Variants in COL23A1 observed in about 807,000 individuals in gnomAD.
COL23A1 encodes collagen alpha-1(XXIII) chain.
A neutral mutation model predicts 99.3 loss-of-function variants in COL23A1; 97 were observed. The ratio of observed to expected loss-of-function variants is 0.98; its 90% confidence interval spans 0.83 to 1.16. The LOEUF is 1.16. Among genes scored for constraint, COL23A1 ranks in the 50% most tolerant of loss-of-function variants. The probability of loss-of-function intolerance (pLI) is 0.00; values close to 1 mark genes in which losing one functional copy is unlikely to be tolerated. For missense variants in COL23A1, 762 were observed against 757.4 expected (o/e 1.01, Z -0.07); for synonymous variants, 320 against 308.2 (o/e 1.04, Z -0.40).
chr5:178,287,597 C>T (rs1307535119), intron 5 of COL23A1, among the ~76,000 whole-genome samples: 1 of 148,974 alleles, frequency 6.7e-6, no homozygotes, highest in Non-Finnish European at 1.5e-5. Context: ...CCTGACTGCA[C>T]AGATCTGTCC....
intron 2 of COL23A1, among the ~76,000 whole-genome samples, chr5:178,316,447 C>T (rs1450305437): frequency 6.6e-6 from 1 of 152,100 alleles, no homozygotes; most frequent in Non-Finnish European, 1.5e-5. Flanking sequence ...TAAAATTAAG[C>T]CTTGGCTGGA....
intron 2 of COL23A1, among the ~76,000 whole-genome samples, chr5:178,501,803 G>A (rs574225521): frequency 6.6e-6 from 1 of 152,324 alleles, no homozygotes; most frequent in African/African-American, 2.4e-5. Context: ...GGGCACCACT[G>A]GAGACCAGGA....
At chr5:178,528,115 C>A (rs1024195806) in intron 2 of COL23A1, among the ~76,000 whole-genome samples, 16 of 152,258 alleles carry the variant, frequency 1.1e-4, no homozygotes, top group Non-Finnish European at 2.2e-4. Context: ...ACTGGGACTG[C>A]CCCAGTCCCC....
chr5:178,461,811 G>A (rs1033029928), intron 2 of COL23A1, among the ~76,000 whole-genome samples: 5 of 152,174 alleles, frequency 3.3e-5, no homozygotes, highest in Non-Finnish European at 5.9e-5. Flanking sequence ...TATCCTATTC[G>A]AAATAACAGG....
intron 2 of COL23A1, among the ~76,000 whole-genome samples, chr5:178,452,087 T>A (rs1767521157): frequency 6.6e-6 from 1 of 152,088 alleles, no homozygotes; most frequent in South Asian, 2.1e-4. Context: ...CAAGGGAGGA[T>A]AAGTCCTATC....
chr5:178,471,436 G>A (rs2546637), intron 2 of COL23A1, among the ~76,000 whole-genome samples: 120,182 of 151,788 alleles, frequency 0.79, 48,954 homozygotes, highest in Non-Finnish European at 0.9. Flanking sequence ...ATGGGGTTTC[G>A]CCATGTTGGC....
At chr5:178,440,640 A>C (rs1462455600) in intron 2 of COL23A1, among the ~76,000 whole-genome samples, 1 of 139,218 alleles carries the variant, frequency 7.2e-6, no homozygotes, top group African/African-American at 2.9e-5. Flanking sequence ...TCTGAGATGG[A>C]GTTTCACTCT....
chr5:178,342,260 A>ACC (rs1561878254), intron 2 of COL23A1, among the ~76,000 whole-genome samples: 10 of 152,174 alleles, frequency 6.6e-5, no homozygotes, highest in African/African-American at 2.2e-4. Flanking sequence ...GGGGACTGCC[A>ACC]TCTGGCCGGG....
At chr5:178,437,189 A>C (rs556647905) in intron 2 of COL23A1, among the ~76,000 whole-genome samples, 9 of 152,174 alleles carry the variant, frequency 5.9e-5, no homozygotes, top group South Asian at 2.1e-4. Context: ...CCTGCCCTTC[A>C]CCTCATCTGG....
At chr5:178,523,157 T>TACACAC (rs1554189013) in intron 2 of COL23A1, among the ~76,000 whole-genome samples, 1 of 76,088 alleles carries the variant, frequency 1.3e-5, no homozygotes, top group Admixed American at 2.0e-4. Flanking sequence ...TATATATATA[T>TACACAC]ATATACATAT....
At chr5:178,475,356 G>T (rs549486305) in intron 2 of COL23A1, among the ~76,000 whole-genome samples, 4 of 152,142 alleles carry the variant, frequency 2.6e-5, no homozygotes, top group Non-Finnish European at 5.9e-5. Context: ...TCTTGGAAAA[G>T]ATGCCATTGA....
At chr5:178,293,153 A>G (rs7380466) in intron 3 of COL23A1, among the ~76,000 whole-genome samples, 119,259 of 151,736 alleles carry the variant, frequency 0.79, 47,113 homozygotes, top group Non-Finnish European at 0.83. Context: ...CTGGAGATGG[A>G]TATGGGTATT....
chr5:178,504,215 G>A (rs371321324), intron 2 of COL23A1, among the ~76,000 whole-genome samples: 2 of 152,040 alleles, frequency 1.3e-5, no homozygotes, highest in Non-Finnish European at 2.9e-5. Flanking sequence ...CCCGATTTCC[G>A]ATATTCTCAG....
intron 2 of COL23A1, among the ~76,000 whole-genome samples, chr5:178,326,067 A>G (rs901144891): frequency 1.3e-5 from 2 of 152,144 alleles, no homozygotes; most frequent in South Asian, 4.1e-4. Flanking sequence ...AATAAGCTCC[A>G]TGTGTGTGGG....
intron 2 of COL23A1, among the ~76,000 whole-genome samples, chr5:178,528,410 C>G (rs912143905): frequency 6.6e-6 from 1 of 152,202 alleles, no homozygotes; most frequent in African/African-American, 2.4e-5. Flanking sequence ...TTCAGTGGGA[C>G]TGACCCCACT....
chr5:178,485,530 T>C (rs1341193483), intron 2 of COL23A1, among the ~76,000 whole-genome samples: 2 of 150,568 alleles, frequency 1.3e-5, no homozygotes, highest in Non-Finnish European at 3.0e-5. Flanking sequence ...CCCAGCACTT[T>C]GGGAGGCCAA....
At chr5:178,490,039 G>C (rs2127967472) in intron 2 of COL23A1, among the ~76,000 whole-genome samples, 1 of 152,048 alleles carries the variant, frequency 6.6e-6, no homozygotes, top group East Asian at 1.9e-4. Flanking sequence ...TTTGAGACCA[G>C]CCTGGCCAAA....
At chr5:178,342,044 A>G (rs1310616775) in intron 2 of COL23A1, among the ~76,000 whole-genome samples, 1 of 151,092 alleles carries the variant, frequency 6.6e-6, no homozygotes, top group Non-Finnish European at 1.5e-5. Flanking sequence ...AACCACAACG[A>G]AAGCTCCATG....
intron 2 of COL23A1, among the ~76,000 whole-genome samples, chr5:178,457,236 C>CA (rs1429751904): frequency 3.9e-5 from 6 of 152,038 alleles, no homozygotes; most frequent in Non-Finnish European, 8.8e-5. Context: ...TCTTTTGAGA[C>CA]AGAGTTTCAC....
Sources: gnomAD v4.1 joint callset for allele counts (sites outside exome capture counted in the v4.1 genomes callset) on GRCh38, gnomAD v4.1.1 for gene constraint, MANE v1.5 for transcripts, NCBI Gene and HGNC (gene_info 2026-07-23, HGNC 2026-07-21) for gene names.